Variants in DLG1 observed in about 807,000 individuals in gnomAD.
The protein encoded by DLG1 is discs large MAGUK scaffold protein 1.
Under a neutral mutation model 123.4 loss-of-function variants are expected in DLG1, and 42 were observed. That is an observed-to-expected ratio of 0.34 (90% confidence interval 0.27 to 0.44). The LOEUF (loss-of-function observed/expected upper bound fraction) is 0.44, where lower values mean the gene tolerates loss of function less well. DLG1 is among the 20% of genes least tolerant of loss of function. The pLI is 1.00. For synonymous variants in DLG1, 317 were observed against 356.2 expected (o/e 0.89, Z 1.24); for missense variants, 942 against 1,082.6 (o/e 0.87, Z 1.82).
At chr3:197,123,738 G>C (rs1310412505) in intron 11 of DLG1, among the ~76,000 whole-genome samples, 1 of 152,104 alleles carries the variant, frequency 6.6e-6, no homozygotes, top group Non-Finnish European at 1.5e-5. Context: ...CACTCCATGA[G>C]AAATGACTGC....
At chr3:197,127,482 ATATATATATAT>A (rs1560878714) in intron 11 of DLG1, among the ~76,000 whole-genome samples, 50 of 106,848 alleles carry the variant, frequency 4.7e-4, no homozygotes, top group African/African-American at 1.8e-3. Context: ...ATATATATAT[ATATATATATAT>A]ATAAAGTAAG....
intron 4 of DLG1, among the ~76,000 whole-genome samples, chr3:197,203,966 G>A (rs1727206897): frequency 6.6e-6 from 1 of 152,202 alleles, no homozygotes; most frequent in South Asian, 2.1e-4. Context: ...ACTGGGTTAG[G>A]AATGAATCTC....
rs193157732 is a variant in DLG1, at chr3:197,139,769, G to A, written c.713+371C>T. 2.2e-3 allele frequency among the ~76,000 whole-genome samples: 335 copies of A among 150,304 alleles called. 2 individuals are homozygous for A. Among genetic ancestry groups the A allele is most frequent in the African/African-American group, 7.6e-3 (315 of 41,398 alleles). ...AGAGGAAATGGAAAATATTCTGTGA[G>A]TGTACTTAAATAAGTTTATACACAT... On this transcript the variant is annotated intron_variant, in intron 8 of 24. Transcript: ENST00000667157.
At chr3:197,261,285 T>G (rs904252999) in intron 4 of DLG1, among the ~76,000 whole-genome samples, 1 of 152,160 alleles carries the variant, frequency 6.6e-6, no homozygotes, top group Non-Finnish European at 1.5e-5. Flanking sequence ...ACAAATGCCA[T>G]AGTGAAGTTA....
intron 5 of DLG1, among the ~76,000 whole-genome samples, chr3:197,166,649 G>A (rs1301722035): frequency 1.3e-5 from 2 of 152,150 alleles, no homozygotes; most frequent in Non-Finnish European, 2.9e-5. Flanking sequence ...CAACACTTTG[G>A]GAGGCGGAGG....
intron 5 of DLG1, among the ~76,000 whole-genome samples, chr3:197,193,143 C>T (rs1486079334): frequency 6.6e-6 from 1 of 151,916 alleles, no homozygotes; most frequent in East Asian, 1.9e-4. Flanking sequence ...AATGAAAATA[C>T]ACACAACCAA....
chr3:197,129,152 TG>T (rs1781269337), intron 11 of DLG1, among the ~76,000 whole-genome samples: 1 of 152,226 alleles, frequency 6.6e-6, no homozygotes, highest in African/African-American at 2.4e-5. Flanking sequence ...TCCTAAAAGG[TG>T]TCTTTTTCCA....
chr3:197,062,627 G>C (rs1736639138), intron 22 of DLG1, among the ~76,000 whole-genome samples: 1 of 152,034 alleles, frequency 6.6e-6, no homozygotes, highest in African/African-American at 2.4e-5. Flanking sequence ...AAATGTTACA[G>C]GCTTATCTCA....
At chr3:197,241,594 T>C (rs370926828) in intron 4 of DLG1, among the ~76,000 whole-genome samples, 1 of 152,112 alleles carries the variant, frequency 6.6e-6, no homozygotes, top group African/African-American at 2.4e-5. Context: ...AAGATAAATC[T>C]ATCAAAAACA....
At chr3:197,119,574 G>A (rs1409552681) in intron 11 of DLG1, 44 bp from the exon 12 acceptor site, 2 of 1,548,220 alleles carry the variant, frequency 1.3e-6, no homozygotes, top group Admixed American at 1.8e-5. Flanking sequence ...CACGAAACAA[G>A]CCAATCAGTA....
intron 4 of DLG1, among the ~76,000 whole-genome samples, chr3:197,212,421 C>T (rs144539177): frequency 5.9e-5 from 9 of 152,336 alleles, no homozygotes; most frequent in African/African-American, 2.2e-4. Context: ...TTGCAAATGA[C>T]ATGACTGTTC....
intron 23 of DLG1, among the ~76,000 whole-genome samples, chr3:197,052,341 G>C (rs990857510): frequency 2.0e-5 from 3 of 152,030 alleles, no homozygotes; most frequent in Non-Finnish European, 4.4e-5. Context: ...TGTAATCCTA[G>C]CTACCTGGGA....
chr3:197,120,862 G>T (rs1386154473), intron 11 of DLG1, among the ~76,000 whole-genome samples: 1 of 152,094 alleles, frequency 6.6e-6, no homozygotes. Context: ...TGAGCCAAAG[G>T]ACTTTCTACC....
At chr3:197,066,664 T>C in intron 20 of DLG1, 40 bp downstream of exon 20, 1 of 1,463,436 alleles carries the variant, frequency 6.8e-7, no homozygotes. Flanking sequence ...AAAAGTATAT[T>C]CTTCTAGAAG....
intron 6 of DLG1, among the ~76,000 whole-genome samples, chr3:197,145,277 A>G (rs1340479428): frequency 1.3e-5 from 2 of 152,196 alleles, no homozygotes; most frequent in Non-Finnish European, 2.9e-5. Context: ...AAGACTTGCT[A>G]AAAGTCTATC....
chr3:197,154,983 A>G (rs1237920743), intron 5 of DLG1, among the ~76,000 whole-genome samples: 1 of 152,196 alleles, frequency 6.6e-6, no homozygotes, highest in Non-Finnish European at 1.5e-5. Flanking sequence ...TGGGAGTTGC[A>G]TGAGAAATGA....
At chr3:197,069,329 A>T in intron 18 of DLG1, 69 bp from the exon 19 acceptor site, 1 of 1,087,562 alleles carries the variant, frequency 9.2e-7, no homozygotes, top group Non-Finnish European at 1.3e-6. Flanking sequence ...AATCAAAATG[A>T]AATGTTGAGA....
chr3:197,051,894 T>G (rs1301261653), intron 23 of DLG1, among the ~76,000 whole-genome samples: 1 of 137,934 alleles, frequency 7.2e-6, no homozygotes, highest in Admixed American at 8.4e-5. Flanking sequence ...CAGGCTGGAG[T>G]GCAGTGGCAC....
intron 24 of DLG1, among the ~76,000 whole-genome samples, chr3:197,050,904 C>A (rs564597601): frequency 6.6e-6 from 1 of 152,184 alleles, no homozygotes; most frequent in Admixed American, 6.5e-5. Flanking sequence ...TGAATATATA[C>A]GAATTTTGTC....
Sources: allele counts gnomAD v4.1 joint callset (sites outside exome capture counted in the v4.1 genomes callset), GRCh38; gene constraint gnomAD v4.1.1; transcripts MANE v1.5; gene names NCBI Gene and HGNC (gene_info 2026-07-23, HGNC 2026-07-21).